Variants in MYO1E observed in about 807,000 individuals in gnomAD.
MYO1E encodes the protein myosin IE.
MYO1E carries 68 observed loss-of-function variants against 151.1 expected under a neutral mutation model. That is an observed-to-expected ratio of 0.45 (90% CI 0.37 to 0.55). The LOEUF is 0.55. Among genes scored for constraint, MYO1E ranks in the 20% least tolerant of loss-of-function variants. MYO1E has a pLI of 0.00. For synonymous variants in MYO1E, 601 were observed against 501.7 expected, an observed-to-expected ratio of 1.20 and a Z score of -2.64; for missense variants, 1,363 against 1,389.3, an observed-to-expected ratio of 0.98 and a Z score of 0.30.
At chr15:59,247,182 C>A (rs1356341996) in intron 4 of MYO1E, among the ~76,000 whole-genome samples, 1 of 151,998 alleles carries the variant, frequency 6.6e-6, no homozygotes, top group Non-Finnish European at 1.5e-5. Flanking sequence ...GGTGACAGAG[C>A]GAGACTCTTT....
At chr15:59,362,116 C>A (rs2080889209) in intron 1 of MYO1E, among the ~76,000 whole-genome samples, 2 of 152,172 alleles carry the variant, frequency 1.3e-5, no homozygotes, top group Admixed American at 1.3e-4. Flanking sequence ...GGATTACAAG[C>A]ATGAGCCACC....
intron 10 of MYO1E, among the ~76,000 whole-genome samples, chr15:59,215,728 A>G (rs2079909588): frequency 6.6e-6 from 1 of 152,224 alleles, no homozygotes; most frequent in South Asian, 2.1e-4. Flanking sequence ...TCCCACCTCA[A>G]ATTAGGATCA....
chr15:59,349,155 A>T (rs1049266004), intron 1 of MYO1E, among the ~76,000 whole-genome samples: 5 of 152,168 alleles, frequency 3.3e-5, no homozygotes, highest in Non-Finnish European at 4.4e-5. Context: ...GCAAGGGGAA[A>T]AAAGGGGATC....
At chr15:59,346,217 T>A (rs1241060888) in intron 1 of MYO1E, among the ~76,000 whole-genome samples, 3 of 152,030 alleles carry the variant, frequency 2.0e-5, no homozygotes, top group Non-Finnish European at 2.9e-5. Context: ...TCACTGAACA[T>A]CCAGCCCCCG....
At chr15:59,268,720 A>ATTTTTGTTTTTTTTTTTTTTTTTTTTT (rs2080271424) in intron 2 of MYO1E, among the ~76,000 whole-genome samples, 2 of 44,904 alleles carry the variant, frequency 4.5e-5, no homozygotes, top group Non-Finnish European at 9.8e-5. Flanking sequence ...TGACTTTGGT[A>ATTTTTGTTTTTTTTTTTTTTTTTTTTT]TTTTTTTTTT....
chr15:59,148,218 T>G (rs1000645238), intron 26 of MYO1E, among the ~76,000 whole-genome samples: 2 of 152,044 alleles, frequency 1.3e-5, no homozygotes, highest in Non-Finnish European at 2.9e-5. Context: ...GGGTAGCACA[T>G]AGAAGGCACA....
intron 1 of MYO1E, among the ~76,000 whole-genome samples, chr15:59,306,817 C>T (rs187952059): frequency 2.0e-5 from 3 of 152,330 alleles, no homozygotes; most frequent in Admixed American, 6.5e-5. Context: ...TGGTGAGGCA[C>T]GCCTGGTGCT....
intron 10 of MYO1E, among the ~76,000 whole-genome samples, chr15:59,217,439 C>A (rs182618131): frequency 8.4e-5 from 12 of 142,608 alleles, no homozygotes; most frequent in Admixed American, 6.5e-4. Context: ...TCAGTAATCA[C>A]AGAGTGAGAG....
At chr15:59,245,966 A>G (rs1227326511) in intron 4 of MYO1E, among the ~76,000 whole-genome samples, 11 of 152,224 alleles carry the variant, frequency 7.2e-5, no homozygotes, top group Non-Finnish European at 1.3e-4. Flanking sequence ...GGTATCACAT[A>G]TGTGGTTTTA....
chr15:59,245,529 T>G (rs1414945990), intron 4 of MYO1E, among the ~76,000 whole-genome samples: 1 of 152,170 alleles, frequency 6.6e-6, no homozygotes, highest in Non-Finnish European at 1.5e-5. Flanking sequence ...CTATGCAGGA[T>G]GCACCTGACA....
chr15:59,172,841 C>G (rs1055995058), intron 21 of MYO1E, among the ~76,000 whole-genome samples: 1 of 152,174 alleles, frequency 6.6e-6, no homozygotes, highest in Non-Finnish European at 1.5e-5. Context: ...TAATGAGTAC[C>G]GCTGCGAGAG....
chr15:59,279,386 T>C (rs2080340155), intron 1 of MYO1E, among the ~76,000 whole-genome samples: 1 of 152,174 alleles, frequency 6.6e-6, no homozygotes, highest in South Asian at 2.1e-4. Context: ...AAGAGAGTGT[T>C]GTTAATGATA....
At position 59,192,808 on chromosome 15, in the gene MYO1E, T is replaced by A. The variant is rs565223043; in HGVS notation, c.1805+2653A>T. On this transcript the variant is annotated intron_variant, in intron 17 of 27. Coordinates refer to ENST00000288235, the MANE Select transcript of MYO1E (RefSeq NM_004998.4). ...GGAGTAATCATATTGGGATATTGAT[T>A]TAATATCACTGTTCTGTTGTGTGTG... 3.3e-5 allele frequency among the ~76,000 whole-genome samples: 5 copies of A among 152,264 alleles called. No homozygotes were observed. The East Asian group carries it at 9.6e-4, about 29-fold the overall frequency.
intron 9 of MYO1E, among the ~76,000 whole-genome samples, chr15:59,219,011 G>A (rs2079937307): frequency 6.6e-6 from 1 of 152,172 alleles, no homozygotes; most frequent in Admixed American, 6.5e-5. Context: ...GAGGCAAAAG[G>A]GGGCCTGATG....
At chr15:59,250,899 G>T (rs775825127) in intron 4 of MYO1E, among the ~76,000 whole-genome samples, 10 of 152,178 alleles carry the variant, frequency 6.6e-5, no homozygotes, top group Non-Finnish European at 1.3e-4. Context: ...TCCCGCTTCA[G>T]TGCAGGTGGA....
chr15:59,253,630 C>A (rs941156615), intron 4 of MYO1E, among the ~76,000 whole-genome samples: 1 of 152,026 alleles, frequency 6.6e-6, no homozygotes, highest in Admixed American at 6.5e-5. Context: ...TACAGGCATG[C>A]GCCGCCATGC....
chr15:59,138,332 G>A lies in MYO1E; in HGVS notation c.3116C>T (p.Ala1039Val). ...RRQTTSRPPP[A>V]GGRPKPQPKP... ...GGGCTGGGGCTTGGGTCTGCCCCCT[G>A]CTGGGGGAGGCCGACTGGTTGTTTG... The change falls in exon 27 of 28, where the codon GCA (alanine) becomes GTA (valine). Residue 1039 changes from alanine to valine, a missense_variant. Ala to Val is a moderately conservative substitution (Grantham distance 64, BLOSUM62 0). Coordinates refer to ENST00000288235, the MANE Select transcript of MYO1E (RefSeq NM_004998.4). 6.2e-7 allele frequency: 1 copy of A among 1,614,224 alleles called. No homozygotes were observed. Among genetic ancestry groups the A allele is most frequent in the Non-Finnish European group, 8.5e-7 (1 of 1,180,036 alleles).
intron 26 of MYO1E, among the ~76,000 whole-genome samples, chr15:59,148,557 T>C (rs1432206295): frequency 1.3e-5 from 2 of 152,188 alleles, no homozygotes; most frequent in East Asian, 3.8e-4. Flanking sequence ...TTACTGGAAA[T>C]GTGGAAATGG....
intron 18 of MYO1E, 136 bp downstream of exon 18, chr15:59,187,982 G>T: frequency 1.4e-6 from 1 of 729,986 alleles, no homozygotes. Flanking sequence ...TAAAATTAAC[G>T]GTGGTGATAG....
Sources: gnomAD v4.1 joint callset for allele counts (sites outside exome capture counted in the v4.1 genomes callset) on GRCh38, gnomAD v4.1.1 for gene constraint, MANE v1.5 for transcripts, NCBI Gene and HGNC (gene_info 2026-07-23, HGNC 2026-07-21) for gene names.